Variants in ZNF226 observed in about 807,000 individuals in gnomAD.
ZNF226 encodes Kruppel-associated box protein.
Under a neutral mutation model 11.4 loss-of-function variants are expected in ZNF226, and 6 were observed. That is an observed-to-expected ratio of 0.53 (90% confidence interval 0.29 to 1.04). The LOEUF is 1.04. Ranked by LOEUF, ZNF226 falls within the 50% of genes least tolerant of loss-of-function variation. The pLI is 0.08. For missense variants in ZNF226, 1,058 were observed against 956.5 expected (o/e 1.11, Z -1.40); for synonymous variants, 350 against 322.8 (o/e 1.08, Z -0.90).
At chr19:44,165,319 G>C (rs568939785) in intron 1 of ZNF226, 177 bp downstream of exon 1, 5 of 152,198 alleles carry the variant, frequency 3.3e-5, no homozygotes, top group Admixed American at 6.5e-5. Flanking sequence ...TACTGGCTTC[G>C]GGCGGCTGGG....
the ZNF226 span, among the ~76,000 whole-genome samples, chr19:44,198,959 C>T: frequency 6.6e-5 from 10 of 152,096 alleles, no homozygotes; most frequent in Admixed American, 5.2e-4. Context: ...CATGCCACCA[C>T]ACCCAGCTAA....
At chr19:44,199,226 G>C in the ZNF226 span, among the ~76,000 whole-genome samples, 3 of 152,136 alleles carry the variant, frequency 2.0e-5, no homozygotes, top group Admixed American at 6.5e-5. Flanking sequence ...CCAGGCTGAA[G>C]TGCAGTGGCA....
chr19:44,172,933 C>A lies in ZNF226; in HGVS notation c.216C>A (p.Thr72=). The part of the protein sequence containing the change: ...NEQLWIMTTA[T]RRQGNLGEKN... ...AGCTTTGGATAATGACGACAGCAACCCGAAGACAGGGAAATTTAGGTAAAA... is the reference window on the plus strand; with the variant it reads ...AGCTTTGGATAATGACGACAGCAACACGAAGACAGGGAAATTTAGGTAAAA... Residue 72 remains threonine (T), a synonymous_variant, in exon 5 of 6, where the codon ACC becomes ACA. Transcript: ENST00000337433. The A allele has an allele frequency of 1.2e-6, 2 of 1,602,180 alleles. No individual in the cohort carries two copies. Among genetic ancestry groups the A allele is most frequent in the Non-Finnish European group, 1.7e-6 (2 of 1,174,208 alleles).
rs1969296735 is a variant in ZNF226, at chr19:44,165,781, A to C, written c.-73A>C. 1 of 152,286 alleles carries C rather than the reference A, an allele frequency of 6.6e-6. No homozygotes were observed. 9.4% of individuals were successfully genotyped at this position (152,286 alleles called of 1,614,324 possible). A position where few individuals can be genotyped will look rare whatever the true frequency, so the allele number is the denominator to read the frequency against. ...GCCCTGACTTCTCAAAAAGCACTGC[A>C]CAGAGGAGGAGGCAGCAGAACCCCA... On this transcript the variant is annotated 5_prime_UTR_variant, in exon 2 of 6. Coordinates refer to ENST00000337433, the MANE Select transcript of ZNF226 (RefSeq NM_001032373.2).
chr19:44,192,934 C>T, the ZNF226 span, among the ~76,000 whole-genome samples: 2 of 152,006 alleles, frequency 1.3e-5, no homozygotes, highest in South Asian at 4.1e-4. Flanking sequence ...GTGAATAATT[C>T]CCTTTTAACT....
the ZNF226 span, among the ~76,000 whole-genome samples, chr19:44,195,386 G>A: frequency 1.1e-4 from 17 of 152,184 alleles, no homozygotes; most frequent in African/African-American, 3.9e-4. Context: ...CCTGTTTGAG[G>A]TCAGCTGACT....
At chr19:44,182,853 C>G (rs889463328), downstream of ZNF226, among the ~76,000 whole-genome samples, 1 of 152,060 alleles carries the variant, frequency 6.6e-6, no homozygotes, top group Admixed American at 6.5e-5. Context: ...TTGTGGTGTC[C>G]CTCTGGCTGA....
downstream of ZNF226, chr19:44,178,208 T>C (rs879495540): frequency 6.5e-6 from 1 of 154,218 alleles, no homozygotes; most frequent in African/African-American, 2.4e-5. Flanking sequence ...CTGTCCTCCT[T>C]TAGCCTCACT....
At position 44,165,129 on chromosome 19, in the gene ZNF226, C is replaced by G. The variant is rs1969194397; in HGVS notation, c.-111C>G. The G allele has an allele frequency of 6.6e-6, 1 of 152,226 alleles. No individual in the cohort carries two copies. Among genetic ancestry groups the G allele is most frequent in the Non-Finnish European group, 1.5e-5 (1 of 68,072 alleles). The allele number at this position is 152,226 out of a possible 1,614,324, so 9.4% of individuals were successfully genotyped here. On this transcript the variant is annotated 5_prime_UTR_variant, in exon 1 of 6. Coordinates refer to ENST00000337433, the MANE Select transcript of ZNF226 (RefSeq NM_001032373.2). ...GACGTAGCAGCCATCTTTTCCCTGG[C>G]TTTGGTGATTCAGGTCAGCTTCTCA...
At position 44,176,944 on chromosome 19, in the gene ZNF226, G is replaced by A. The variant is rs765525957; in HGVS notation, c.1682G>A (p.Cys561Tyr). Residue 561 changes from cysteine (C) to tyrosine (Y), a missense_variant, in exon 6 of 6, where the codon TGT becomes TAT. By Grantham distance (194) the Cys-to-Tyr change is radical (BLOSUM62 -2). Transcript: ENST00000337433. Reference protein sequence around the residue: ...KAHSIEKPFKCEECGQGFNQS... With the variant: ...KAHSIEKPFKYEECGQGFNQS... ...CACAGTATAGAGAAACCTTTTAAGT[G>A]TGAGGAGTGTGGGCAGGGTTTCAAT... is the stretch of plus-strand genomic sequence containing the variant. 5.6e-6 allele frequency: 9 copies of A among 1,613,982 alleles called. No homozygotes were observed. In the Admixed American group the frequency reaches 1.5e-4, roughly 27 times the overall value.
chr19:44,172,149 G>A lies in ZNF226; in HGVS notation c.77G>A (p.Gly26Asp), dbSNP rs762342263. The change falls in exon 4 of 6, where the codon GGC (glycine) becomes GAC (aspartate). Residue 26 changes from glycine (G) to aspartate (D), a missense_variant. Transcript: ENST00000337433. ...AFTEEELGLL[G>D]PAQRKLYRDV... is the part of the protein sequence containing the mutation. ...ACGGAGGAGGAATTGGGGCTGCTGGGCCCTGCCCAGAGGAAGCTGTACCGA... is the reference window on the plus strand; with the variant it reads ...ACGGAGGAGGAATTGGGGCTGCTGGACCCTGCCCAGAGGAAGCTGTACCGA... 2 of 1,613,198 alleles carry A rather than the reference G, an allele frequency of 1.2e-6. No individual in the cohort carries two copies. Among genetic ancestry groups the A allele is most frequent in the Non-Finnish European group, 1.7e-6 (2 of 1,179,472 alleles).
chr19:44,199,041 G>A, the ZNF226 span, among the ~76,000 whole-genome samples: 1 of 152,050 alleles, frequency 6.6e-6, no homozygotes, highest in Admixed American at 6.5e-5. Context: ...GACCTCAGGT[G>A]ATCCGCCCGC....
At chr19:44,172,817 T>C in intron 4 of ZNF226, 43 bp from the exon 5 acceptor site, 1 of 1,507,316 alleles carries the variant, frequency 6.6e-7, no homozygotes, top group Non-Finnish European at 9.1e-7. Flanking sequence ...GTATTTTAAC[T>C]CTAATATGTT....
the ZNF226 span, among the ~76,000 whole-genome samples, chr19:44,196,078 T>C: frequency 6.6e-6 from 1 of 152,002 alleles, no homozygotes; most frequent in Non-Finnish European, 1.5e-5. Flanking sequence ...GGGGGATGAA[T>C]AGTTTTGCTG....
chr19:44,180,000 T>C (rs1970881841), downstream of ZNF226, among the ~76,000 whole-genome samples: 1 of 146,054 alleles, frequency 6.8e-6, no homozygotes, highest in Non-Finnish European at 1.5e-5. Context: ...GGCAGAAGAA[T>C]CATTTGAACC....
chr19:44,166,267 G>C (rs1247772231), intron 2 of ZNF226, among the ~76,000 whole-genome samples: 2 of 152,246 alleles, frequency 1.3e-5, no homozygotes, highest in African/African-American at 4.8e-5. Context: ...TTGGGAGTCT[G>C]AGGCGGGCAG....
intron 2 of ZNF226, among the ~76,000 whole-genome samples, chr19:44,168,908 G>A (rs538801606): frequency 7.0e-6 from 1 of 142,090 alleles, no homozygotes; most frequent in African/African-American, 2.6e-5. Context: ...TAGTTTATGT[G>A]TTCTACTATA....
intron 5 of ZNF226, chr19:44,173,248 G>T: frequency 2.2e-6 from 1 of 454,590 alleles, no homozygotes; most frequent in Non-Finnish European, 3.9e-6. Context: ...GTCTTACACG[G>T]TGTGCTTTTC....
the ZNF226 span, among the ~76,000 whole-genome samples, chr19:44,194,232 T>G: frequency 1.3e-5 from 2 of 152,198 alleles, no homozygotes; most frequent in African/African-American, 2.4e-5. Flanking sequence ...CCGTCATAGA[T>G]GGCAGTGACG....
Sources: allele counts gnomAD v4.1 joint callset (sites outside exome capture counted in the v4.1 genomes callset), GRCh38; gene constraint gnomAD v4.1.1; transcripts MANE v1.5; gene names NCBI Gene and HGNC (gene_info 2026-07-23, HGNC 2026-07-21).